MAST4: variants seen among roughly 807,000 people sequenced by gnomAD.
MAST4 encodes microtubule-associated serine/threonine-protein kinase 4.
A neutral mutation model predicts 162.7 loss-of-function variants in MAST4; 89 were observed. The observed-to-expected ratio is 0.55, with a 90% CI of 0.46 to 0.65. The LOEUF (loss-of-function observed/expected upper bound fraction) is 0.65. Ranked by LOEUF, MAST4 falls within the 30% of genes least tolerant of loss-of-function variation. The pLI, the probability that MAST4 is intolerant of heterozygous loss-of-function variation, is 0.00. For missense variants in MAST4, 3,153 were observed against 3,374.0 expected (o/e 0.93, Z 1.62); for synonymous variants, 1,479 against 1,361.1 (o/e 1.09, Z -1.91).
At chr5:66,921,473 G>T (rs1207342195) in intron 4 of MAST4, among the ~76,000 whole-genome samples, 1 of 151,986 alleles carries the variant, frequency 6.6e-6, no homozygotes, top group African/African-American at 2.4e-5. Context: ...GATTAAAACT[G>T]CGGCCAGGCA....
At chr5:66,809,623 A>T (rs1756378535) in intron 3 of MAST4, among the ~76,000 whole-genome samples, 1 of 152,250 alleles carries the variant, frequency 6.6e-6, no homozygotes, top group African/African-American at 2.4e-5. Context: ...TCCCAAGAAT[A>T]CAGAAAGGTA....
chr5:67,055,244 G>A (rs1758656581), intron 5 of MAST4, among the ~76,000 whole-genome samples: 1 of 152,150 alleles, frequency 6.6e-6, no homozygotes, highest in South Asian at 2.1e-4. Context: ...AAAGGCAGAG[G>A]AAGGTCAGGA....
chr5:67,091,085 T>G (rs878950068), intron 6 of MAST4, among the ~76,000 whole-genome samples: 1 of 152,044 alleles, frequency 6.6e-6, no homozygotes, highest in Admixed American at 6.5e-5. Flanking sequence ...CCTAACTATA[T>G]CCTAAAGTGG....
intron 4 of MAST4, among the ~76,000 whole-genome samples, chr5:67,006,692 A>G (rs1424059989): frequency 6.6e-6 from 1 of 152,152 alleles, no homozygotes; most frequent in Non-Finnish European, 1.5e-5. Flanking sequence ...TGTTGATAGT[A>G]TTATTGGAGA....
Position 67,118,668 on chromosome 5 carries a change from T to G in MAST4, c.1592-14T>G. On this transcript the variant is annotated splice_polypyrimidine_tract_variant and intron_variant, in intron 12 of 28. Coordinates refer to ENST00000403625, the MANE Select transcript of MAST4 (RefSeq NM_001164664.2). ...TATTTTTATTAAGCTTAACTTTTTT[T>G]TTTTCCAACTTAGAAATGGCTCATT... 1 of 1,525,280 alleles carries G rather than the reference T, an allele frequency of 6.6e-7. No homozygotes were observed. The highest frequency in any genetic ancestry group is 1.2e-5 in the South Asian group (1 of 82,290). 94.5% of individuals were successfully genotyped at this position (1,525,280 alleles called of 1,614,324 possible). A position where few individuals can be genotyped will look rare whatever the true frequency, so the allele number is the denominator to read the frequency against.
intron 21 of MAST4, among the ~76,000 whole-genome samples, chr5:67,143,481 G>A (rs1022442430): frequency 2.3e-4 from 35 of 152,196 alleles, no homozygotes; most frequent in East Asian, 7.7e-4. Flanking sequence ...TAGGAAAAAC[G>A]GAAATCAACC....
In MAST4 at chr5:67,071,050, G is replaced by C. The variant is rs185684205; in HGVS notation, c.763+16558G>C. On this transcript the variant is annotated intron_variant, in intron 5 of 28. Coordinates refer to ENST00000403625, the MANE Select transcript of MAST4 (RefSeq NM_001164664.2). Reference sequence around the variant, plus strand: ...TTCATTTATTAATCTGTAATAATATGCCTTTTTGGTGGGGGAGCCAAATTA... The same window carrying C: ...TTCATTTATTAATCTGTAATAATATCCCTTTTTGGTGGGGGAGCCAAATTA... 2.9e-4 allele frequency among the ~76,000 whole-genome samples: 44 copies of C among 152,246 alleles called. No homozygotes were observed. In the East Asian group the frequency reaches 7.7e-3, roughly 27 times the overall value.
At chr5:66,961,696 A>T (rs1164504660) in intron 4 of MAST4, among the ~76,000 whole-genome samples, 1 of 152,134 alleles carries the variant, frequency 6.6e-6, no homozygotes, top group African/African-American at 2.4e-5. Flanking sequence ...AGCACTCATC[A>T]TGTGTGTTTC....
intron 4 of MAST4, among the ~76,000 whole-genome samples, chr5:67,012,252 T>TG (rs1167232277): frequency 3.9e-5 from 6 of 152,342 alleles, no homozygotes; most frequent in Non-Finnish European, 5.9e-5. Flanking sequence ...AGGAATCATT[T>TG]GAATTCCTGT....
intron 4 of MAST4, among the ~76,000 whole-genome samples, chr5:67,029,754 G>C (rs1173025689): frequency 6.6e-6 from 1 of 152,150 alleles, no homozygotes; most frequent in Non-Finnish European, 1.5e-5. Context: ...GGATGGAATA[G>C]TAGGAGTTTT....
chr5:66,844,435 T>C (rs1412212125), intron 3 of MAST4, among the ~76,000 whole-genome samples: 1 of 152,178 alleles, frequency 6.6e-6, no homozygotes, highest in Admixed American at 6.6e-5. Flanking sequence ...ACATTCTTCC[T>C]ACTACTGTTG....
intron 1 of MAST4, among the ~76,000 whole-genome samples, chr5:66,746,749 G>A (rs1241442894): frequency 1.3e-5 from 2 of 152,174 alleles, no homozygotes; most frequent in Admixed American, 1.3e-4. Flanking sequence ...TTCAGGCATA[G>A]ATCAAACACC....
chr5:66,963,172 A>G (rs1016512108), intron 4 of MAST4, among the ~76,000 whole-genome samples: 3 of 152,204 alleles, frequency 2.0e-5, no homozygotes, highest in African/African-American at 7.2e-5. Flanking sequence ...GAAATTATTT[A>G]TTTTGAATAT....
intron 1 of MAST4, among the ~76,000 whole-genome samples, chr5:66,732,927 ATTT>A (rs1277695974): frequency 6.6e-6 from 1 of 151,942 alleles, no homozygotes; most frequent in South Asian, 2.1e-4. Flanking sequence ...TATGAGAATT[ATTT>A]TTTCTGGTCC....
chr5:67,080,972 T>A (rs546099587), intron 5 of MAST4, among the ~76,000 whole-genome samples: 77 of 134,110 alleles, frequency 5.7e-4, no homozygotes, highest in African/African-American at 2.1e-3. Context: ...TTGTATATAT[T>A]ATATAATATA....
intron 7 of MAST4, among the ~76,000 whole-genome samples, 172 bp downstream of exon 7, chr5:67,095,847 A>C (rs769552816): frequency 2.6e-5 from 4 of 152,204 alleles, no homozygotes; most frequent in Non-Finnish European, 4.4e-5. Context: ...TAAAAAGGAC[A>C]TACTTTCGCT....
intron 1 of MAST4, among the ~76,000 whole-genome samples, chr5:66,696,769 C>T (rs896397742): frequency 6.6e-6 from 1 of 151,804 alleles, no homozygotes; most frequent in Admixed American, 6.6e-5. Context: ...ACTGCATTTA[C>T]ATTTGCACTG....
At chr5:67,139,762 A>G (rs1770134963) in intron 19 of MAST4, among the ~76,000 whole-genome samples, 1 of 152,152 alleles carries the variant, frequency 6.6e-6, no homozygotes, top group Admixed American at 6.5e-5. Flanking sequence ...TATCACCCGT[A>G]TTTTACCAAA....
At chr5:66,901,039 A>G (rs1266534352) in intron 4 of MAST4, among the ~76,000 whole-genome samples, 1 of 152,076 alleles carries the variant, frequency 6.6e-6, no homozygotes, top group East Asian at 1.9e-4. Flanking sequence ...GCTGTAGGAA[A>G]TGGACTTAGA....
Sources: allele counts gnomAD v4.1 joint callset (sites outside exome capture counted in the v4.1 genomes callset), GRCh38; gene constraint gnomAD v4.1.1; transcripts MANE v1.5; gene names NCBI Gene and HGNC (gene_info 2026-07-23, HGNC 2026-07-21).